RGS6: variants seen among roughly 807,000 people sequenced by gnomAD.
RGS6 encodes regulator of G protein signaling 6.
In RGS6, 30 loss-of-function variants were observed where a neutral mutation model predicts 78.5. The observed-to-expected ratio is 0.38, with a 90% confidence interval of 0.29 to 0.52. The LOEUF (loss-of-function observed/expected upper bound fraction) is 0.52. RGS6 is among the 20% of genes least tolerant of loss of function. The pLI is 0.85. For missense variants in RGS6, 495 were observed against 609.7 expected, an observed-to-expected ratio of 0.81 and a Z score of 1.98; for synonymous variants, 206 against 206.0, an observed-to-expected ratio of 1.00 and a Z score of 0.00.
At chr14:72,311,898 C>T (rs2068710101) in intron 2 of RGS6, among the ~76,000 whole-genome samples, 1 of 152,176 alleles carries the variant, frequency 6.6e-6, no homozygotes, top group Non-Finnish European at 1.5e-5. Context: ...GTTCTGCTCC[C>T]AGTTCTCTTG....
At chr14:72,452,013 G>A (rs190681300) in intron 3 of RGS6, among the ~76,000 whole-genome samples, 47 of 152,310 alleles carry the variant, frequency 3.1e-4, no homozygotes, top group Middle Eastern at 3.4e-3. Flanking sequence ...GTCTCCAAAA[G>A]TGTTGGGATT....
At chr14:72,380,074 A>ACAAAG (rs1555362642) in intron 3 of RGS6, among the ~76,000 whole-genome samples, 8,646 of 151,738 alleles carry the variant, frequency 0.057, 506 homozygotes, top group African/African-American at 0.16. Context: ...GCAAAACAAA[A>ACAAAG]CAGTATCTTA....
the RGS6 span, among the ~76,000 whole-genome samples, chr14:72,595,406 C>A: frequency 1.3e-5 from 2 of 152,220 alleles, no homozygotes. Flanking sequence ...CTCATCCACA[C>A]CCTGCCTCTC....
intron 2 of RGS6, among the ~76,000 whole-genome samples, chr14:72,302,066 C>G (rs537428428): frequency 7.8e-4 from 119 of 152,294 alleles, no homozygotes; most frequent in African/African-American, 2.7e-3. Flanking sequence ...TCAGTTTGTT[C>G]TAAGCATCTG....
At chr14:72,510,308 C>G (rs1240787636) in intron 14 of RGS6, 29 bp downstream of exon 14, 2 of 1,613,562 alleles carry the variant, frequency 1.2e-6, no homozygotes, top group African/African-American at 1.3e-5. Context: ...GAGCTGTGTG[C>G]GGAATGTGTG....
At chr14:72,414,114 C>G (rs929923938) in intron 3 of RGS6, among the ~76,000 whole-genome samples, 6 of 152,132 alleles carry the variant, frequency 3.9e-5, no homozygotes, top group Non-Finnish European at 7.3e-5. Flanking sequence ...GAATGTTGGC[C>G]TGCCTTGCTA....
At chr14:72,303,372 G>A (rs556869450) in intron 2 of RGS6, among the ~76,000 whole-genome samples, 5 of 152,280 alleles carry the variant, frequency 3.3e-5, no homozygotes, top group East Asian at 3.9e-4. Flanking sequence ...GTGATGGCAT[G>A]TGCCTATAAT....
In RGS6 at chr14:72,470,100, G is replaced by A. The variant is rs28708927; in HGVS notation, c.536+17G>A. The A allele has an allele frequency of 1.9e-3, 2,948 of 1,581,782 alleles. 50 individuals are homozygous for A. In the African/African-American group the frequency reaches 0.036, roughly 19 times the overall value. ...ACAAGTAAAGTAGGTGAACTTGATAGAGACCTTTTCAGAGAGGAAAAGACT... is the reference window on the plus strand; with the variant it reads ...ACAAGTAAAGTAGGTGAACTTGATAAAGACCTTTTCAGAGAGGAAAAGACT... On this transcript the variant is annotated intron_variant, in intron 8 of 17. Transcript: ENST00000553525.
chr14:72,495,327 T>C, intron 13 of RGS6, 65 bp downstream of exon 13: 1 of 991,286 alleles, frequency 1.0e-6, no homozygotes, highest in Non-Finnish European at 1.6e-6. Context: ...GATCATGAGA[T>C]TACCTTATAT....
At chr14:72,047,417 T>G (rs922831925) in intron 2 of RGS6, among the ~76,000 whole-genome samples, 8 of 152,200 alleles carry the variant, frequency 5.3e-5, no homozygotes, top group Non-Finnish European at 1.2e-4. Flanking sequence ...GTGAGGACAC[T>G]GAAGGTCCAA....
chr14:71,912,397 A>G, the RGS6 span, among the ~76,000 whole-genome samples: 2 of 152,164 alleles, frequency 1.3e-5, no homozygotes, highest in African/African-American at 4.8e-5. Context: ...TAAAGGATCT[A>G]TTTTTGGTGA....
At chr14:72,465,884 G>A (rs552828840) in intron 7 of RGS6, 62 bp downstream of exon 7, 306 of 1,341,582 alleles carry the variant, frequency 2.3e-4, no homozygotes, top group Non-Finnish European at 2.8e-4. Flanking sequence ...CTGCAGCTCC[G>A]TCTAAGTTTA....
intron 2 of RGS6, among the ~76,000 whole-genome samples, chr14:72,197,784 C>T (rs946412489): frequency 2.0e-5 from 3 of 151,932 alleles, no homozygotes; most frequent in African/African-American, 7.3e-5. Flanking sequence ...TGGGTCACGC[C>T]CACCAGAATC....
At chr14:72,343,068 G>A (rs2152690231) in intron 2 of RGS6, among the ~76,000 whole-genome samples, 1 of 152,336 alleles carries the variant, frequency 6.6e-6, no homozygotes. Context: ...ATTTGCTGGT[G>A]ATGGGGATCA....
intron 2 of RGS6, among the ~76,000 whole-genome samples, chr14:72,001,730 C>A (rs2083473733): frequency 6.6e-6 from 1 of 151,928 alleles, no homozygotes; most frequent in Admixed American, 6.6e-5. Context: ...GAGTACTTTT[C>A]CCCTGGTGGA....
chr14:72,077,870 C>T (rs955886814), intron 2 of RGS6, among the ~76,000 whole-genome samples: 4 of 152,166 alleles, frequency 2.6e-5, no homozygotes, highest in African/African-American at 7.2e-5. Flanking sequence ...AGTATTATAT[C>T]TTCTAATTTA....
At chr14:72,003,351 C>T (rs1368534604) in intron 2 of RGS6, among the ~76,000 whole-genome samples, 1 of 152,196 alleles carries the variant, frequency 6.6e-6, no homozygotes, top group African/African-American at 2.4e-5. Context: ...GCACAACATA[C>T]AACTTGCCAC....
chr14:72,434,474 C>G (rs904522112), intron 3 of RGS6, among the ~76,000 whole-genome samples: 1 of 152,200 alleles, frequency 6.6e-6, no homozygotes, highest in African/African-American at 2.4e-5. Flanking sequence ...TCTTCTGTAG[C>G]ATTCAATGCA....
At chr14:72,523,847 G>A (rs1371142711) in intron 15 of RGS6, among the ~76,000 whole-genome samples, 3 of 152,084 alleles carry the variant, frequency 2.0e-5, no homozygotes, top group African/African-American at 7.2e-5. Flanking sequence ...TTTTTTTAAG[G>A]ACTCAGTTCT....
Sources: allele counts gnomAD v4.1 joint callset (sites outside exome capture counted in the v4.1 genomes callset), GRCh38; gene constraint gnomAD v4.1.1; transcripts MANE v1.5; gene names NCBI Gene and HGNC (gene_info 2026-07-23, HGNC 2026-07-21).